Variants in ROBO2 observed in about 807,000 individuals in gnomAD.
ROBO2 encodes roundabout guidance receptor 2.
In ROBO2, 53 loss-of-function variants were observed where a neutral mutation model predicts 160.8. The observed-to-expected ratio is 0.33, with a 90% CI of 0.26 to 0.41. The LOEUF (loss-of-function observed/expected upper bound fraction) is 0.41. ROBO2 is among the 10% of genes least tolerant of loss of function. ROBO2 has a pLI of 1.00. For missense variants in ROBO2, 1,577 were observed against 1,722.4 expected, an observed-to-expected ratio of 0.92 and a Z score of 1.49; for synonymous variants, 664 against 611.7, an observed-to-expected ratio of 1.09 and a Z score of -1.26.
chr3:75,935,733 C>T (rs1947745543), intron 1 of ROBO2, among the ~76,000 whole-genome samples: 1 of 152,160 alleles, frequency 6.6e-6, no homozygotes, highest in Non-Finnish European at 1.5e-5. Context: ...ATACACAAGA[C>T]ATCTTTTTTT....
At chr3:76,249,435 TAACTC>T (rs770403000) in intron 2 of ROBO2, among the ~76,000 whole-genome samples, 11 of 151,636 alleles carry the variant, frequency 7.3e-5, no homozygotes, top group South Asian at 2.1e-4. Flanking sequence ...TTACTTATGA[TAACTC>T]AACTATTTAC....
intron 2 of ROBO2, among the ~76,000 whole-genome samples, chr3:76,032,266 G>C (rs557266103): frequency 2.6e-5 from 4 of 151,984 alleles, no homozygotes; most frequent in African/African-American, 9.7e-5. Flanking sequence ...TATTGGTCTT[G>C]CTAGTGGTCT....
chr3:75,958,694 A>G (rs1948802107), intron 2 of ROBO2, among the ~76,000 whole-genome samples: 1 of 151,762 alleles, frequency 6.6e-6, no homozygotes, highest in South Asian at 2.1e-4. Flanking sequence ...TCAATGGGAA[A>G]ATATTGAACA....
At chr3:77,522,975 C>T (rs1173727939) in intron 6 of ROBO2, 73 bp downstream of exon 6, 19 of 1,548,764 alleles carry the variant, frequency 1.2e-5, no homozygotes, top group African/African-American at 2.7e-5. Flanking sequence ...AGTGAACTTA[C>T]GATCAAAATA....
chr3:76,102,806 T>C (rs532344176), intron 2 of ROBO2, among the ~76,000 whole-genome samples: 2 of 150,974 alleles, frequency 1.3e-5, no homozygotes, highest in East Asian at 2.0e-4. Flanking sequence ...TGAAGGAATA[T>C]GTTTTAATAC....
At chr3:76,051,448 C>A (rs758340500) in intron 2 of ROBO2, among the ~76,000 whole-genome samples, 2 of 152,012 alleles carry the variant, frequency 1.3e-5, no homozygotes, top group Admixed American at 6.6e-5. Flanking sequence ...ACAATGTTTG[C>A]AAAAATTACT....
chr3:76,105,047 A>C (rs1173387055), intron 2 of ROBO2, among the ~76,000 whole-genome samples: 1 of 152,098 alleles, frequency 6.6e-6, no homozygotes, highest in Non-Finnish European at 1.5e-5. Context: ...AAAGCAAGAG[A>C]CCTAGCCTTT....
intron 2 of ROBO2, among the ~76,000 whole-genome samples, chr3:76,570,980 C>T (rs529800111): frequency 1.3e-5 from 2 of 152,160 alleles, no homozygotes; most frequent in African/African-American, 4.8e-5. Context: ...AAAAAATGTT[C>T]TAAAACTTAT....
chr3:75,925,608 A>T (rs1023648121), intron 1 of ROBO2, among the ~76,000 whole-genome samples: 6 of 152,140 alleles, frequency 3.9e-5, no homozygotes, highest in African/African-American at 1.4e-4. Context: ...GGAGGGTTGA[A>T]GTTTTGAGAT....
intron 2 of ROBO2, among the ~76,000 whole-genome samples, chr3:76,627,600 A>C (rs141845749): frequency 6.6e-4 from 100 of 152,370 alleles, no homozygotes; most frequent in African/African-American, 2.3e-3. Context: ...ATCCTTGTGC[A>C]TAAATAATAA....
At chr3:76,094,972 G>A (rs1171959817) in intron 2 of ROBO2, among the ~76,000 whole-genome samples, 1 of 152,126 alleles carries the variant, frequency 6.6e-6, no homozygotes, top group Non-Finnish European at 1.5e-5. Flanking sequence ...TGGCGGTAAA[G>A]CTTTTAAAGA....
rs1378375959 is a variant in ROBO2, at chr3:77,157,466, T to TATAAAAAG, written c.388+59127_388+59134dup. 2.0e-5 allele frequency among the ~76,000 whole-genome samples: 3 copies of TATAAAAAG among 152,200 alleles called. No homozygotes were observed. The East Asian group carries it at 5.8e-4, about 29-fold the overall frequency. On this transcript the variant is annotated intron_variant, in intron 2 of 25. Coordinates refer to ENST00000461745, the Ensembl canonical transcript of ROBO2. ...TGTTGAATTTCCAAGGAAAGAAACT[T>TATAAAAAG]ATAAAAAGTTTATGCTCGGGGAATT...
intron 2 of ROBO2, among the ~76,000 whole-genome samples, chr3:76,388,433 G>A (rs1412194173): frequency 1.3e-5 from 2 of 152,016 alleles, no homozygotes; most frequent in Admixed American, 6.6e-5. Context: ...CGCCACGCCC[G>A]GCTAATTTTT....
intron 2 of ROBO2, among the ~76,000 whole-genome samples, chr3:77,420,677 T>C (rs1240455391): frequency 6.6e-6 from 1 of 152,142 alleles, no homozygotes; most frequent in African/African-American, 2.4e-5. Context: ...CAGATATTCA[T>C]ATAGAAAATG....
chr3:77,291,228 A>G (rs1217655690), intron 2 of ROBO2, among the ~76,000 whole-genome samples: 1 of 148,036 alleles, frequency 6.8e-6, no homozygotes, highest in Non-Finnish European at 1.5e-5. Flanking sequence ...CTAGAGCACT[A>G]AAGACATAAA....
chr3:77,261,856 C>A (rs1338113109), intron 2 of ROBO2, among the ~76,000 whole-genome samples: 3 of 150,866 alleles, frequency 2.0e-5, no homozygotes, highest in African/African-American at 4.9e-5. Context: ...CAGCCTCAAA[C>A]CCCTGGGCTC....
intron 2 of ROBO2, among the ~76,000 whole-genome samples, chr3:76,443,145 G>T (rs748892440): frequency 1.3e-4 from 20 of 151,880 alleles, no homozygotes; most frequent in Non-Finnish European, 2.9e-4. Context: ...GAGGTGCCAG[G>T]ATCATTTTAA....
At chr3:77,322,215 C>G (rs896572306) in intron 2 of ROBO2, among the ~76,000 whole-genome samples, 3 of 152,002 alleles carry the variant, frequency 2.0e-5, no homozygotes, top group Non-Finnish European at 1.5e-5. Context: ...CTAGAATAAC[C>G]GAATGAAATG....
At chr3:76,449,893 AC>A (rs1462049268) in intron 2 of ROBO2, among the ~76,000 whole-genome samples, 3 of 152,134 alleles carry the variant, frequency 2.0e-5, no homozygotes, top group East Asian at 1.9e-4. Context: ...ACCTGCTCAT[AC>A]TTGCTGCAAA....
Sources: allele counts gnomAD v4.1 joint callset (sites outside exome capture counted in the v4.1 genomes callset), GRCh38; gene constraint gnomAD v4.1.1; transcripts MANE v1.5; gene names NCBI Gene and HGNC (gene_info 2026-07-23, HGNC 2026-07-21).